The following LRATD1 variants were observed in gnomAD, a reference collection of about 807,000 sequenced individuals.
LRATD1 encodes LRAT domain containing 1.
Under a neutral mutation model 21.3 loss-of-function variants are expected in LRATD1, and 8 were observed. The ratio of observed to expected loss-of-function variants is 0.38; its 90% CI spans 0.22 to 0.68. The LOEUF (loss-of-function observed/expected upper bound fraction) is 0.68, where lower values mean the gene tolerates loss of function less well. LRATD1 is among the 30% of genes least tolerant of loss of function. LRATD1 has a pLI of 0.54. For synonymous variants in LRATD1, 210 were observed against 186.2 expected (o/e 1.13, Z -1.04); for missense variants, 380 against 404.0 (o/e 0.94, Z 0.51).
At chr2:14,643,568 C>T (rs1050776930), downstream of LRATD1, among the ~76,000 whole-genome samples, 1 of 152,198 alleles carries the variant, frequency 6.6e-6, no homozygotes, top group African/African-American at 2.4e-5. Context: ...TGCCTTTGCT[C>T]AAGCTGTTTC....
At position 14,634,637 on chromosome 2, in the gene LRATD1, C is replaced by G. The variant is rs1404150482; in HGVS notation, c.658C>G (p.Arg220Gly). 2 of 1,544,936 alleles carry G rather than the reference C, an allele frequency of 1.3e-6. No individual in the cohort carries two copies. The highest frequency in any genetic ancestry group is 8.7e-7 in the Non-Finnish European group (1 of 1,143,160). Residue 220 changes from arginine (R) to glycine (G), a missense_variant, in exon 2 of 2, where the codon CGC (arginine) becomes GGC (glycine). Coordinates refer to ENST00000295092, the MANE Select transcript of LRATD1 (RefSeq NM_145175.4). ...TNSESFAAWC[R>G]FGKREFKAGG... Reference sequence around the variant, plus strand: ...CTCGGAGAGCTTCGCCGCCTGGTGCCGCTTTGGCAAGCGGGAGTTCAAGGC... The same window carrying G: ...CTCGGAGAGCTTCGCCGCCTGGTGCGGCTTTGGCAAGCGGGAGTTCAAGGC...
At chr2:14,648,287 C>A (rs1671930636) in intron 4 of LRATD1, among the ~76,000 whole-genome samples, 1 of 151,986 alleles carries the variant, frequency 6.6e-6, no homozygotes, top group African/African-American at 2.4e-5. Context: ...GGTCTTAGGG[C>A]CTTTAAATTA....
rs1215504496 is a variant in LRATD1, at chr2:14,638,330, AT to A, written c.*3478del. ...TAATGTAAGCTGTTGTCATGACAGTATTTTTTAAAAATAATAACGTATATTA... is the reference window on the plus strand; with the variant it reads ...TAATGTAAGCTGTTGTCATGACAGTATTTTTAAAAATAATAACGTATATTA... On this transcript the variant is annotated 3_prime_UTR_variant, in exon 2 of 2. Coordinates refer to ENST00000295092, the MANE Select transcript of LRATD1 (RefSeq NM_145175.4). 6.0e-6 allele frequency: 1 copy of A among 166,630 alleles called. No individual in the cohort carries two copies. The highest frequency in any genetic ancestry group is 2.4e-5 in the African/African-American group (1 of 41,320). 10.3% of individuals were successfully genotyped at this position (166,630 alleles called of 1,614,324 possible). A position where few individuals can be genotyped will look rare whatever the true frequency, so the allele number is the denominator to read the frequency against.
chr2:14,634,781 G>A lies in LRATD1; in HGVS notation c.802G>A (p.Glu268Lys), dbSNP rs1414011364. The A allele has an allele frequency of 1.2e-6, 2 of 1,600,042 alleles. No individual in the cohort carries two copies. The highest frequency in any genetic ancestry group is 1.7e-5 in the Admixed American group (1 of 58,484). Residue 268 changes from glutamate (E) to lysine (K), a missense_variant, in exon 2 of 2, where the codon GAG becomes AAG. By Grantham distance (56) the Glu-to-Lys change is moderately conservative. Transcript: ENST00000295092. ...RFHSLEDLIR[E>K]KRRIDASGRL... Reference sequence around the variant, plus strand: ...TCACAGCCTGGAAGACCTCATCCGCGAGAAGCGCCGTATCGACGCCAGCGG... The same window carrying A: ...TCACAGCCTGGAAGACCTCATCCGCAAGAAGCGCCGTATCGACGCCAGCGG...
downstream of LRATD1, chr2:14,650,804 C>G (rs1671991923): frequency 6.6e-6 from 1 of 152,102 alleles, no homozygotes; most frequent in Admixed American, 6.5e-5. Flanking sequence ...CAATAAATAT[C>G]TTTGGATAGA....
At position 14,634,134 on chromosome 2, in the gene LRATD1, A is replaced by G; in HGVS notation, c.155A>G (p.Lys52Arg). Reference protein sequence around the residue: ...EDLDERGQPDKFGVKAPPGCT... With the variant: ...EDLDERGQPDRFGVKAPPGCT... Reference sequence around the variant, plus strand: ...CTGGACGAACGCGGGCAGCCCGACAAGTTTGGCGTGAAGGCCCCCCCGGGT... The same window carrying G: ...CTGGACGAACGCGGGCAGCCCGACAGGTTTGGCGTGAAGGCCCCCCCGGGT... Residue 52 changes from lysine to arginine, a missense_variant, in exon 2 of 2, where the codon AAG becomes AGG. Physicochemically the swap from Lys to Arg is conservative, Grantham distance 26. Coordinates refer to ENST00000295092, the MANE Select transcript of LRATD1 (RefSeq NM_145175.4). The G allele has an allele frequency of 6.2e-7, 1 of 1,614,058 alleles. No individual in the cohort carries two copies. Among genetic ancestry groups the G allele is most frequent in the Non-Finnish European group, 8.5e-7 (1 of 1,180,008 alleles).
At chr2:14,641,689 A>G (rs1199766724), downstream of LRATD1, among the ~76,000 whole-genome samples, 1 of 152,090 alleles carries the variant, frequency 6.6e-6, no homozygotes, top group Non-Finnish European at 1.5e-5. Flanking sequence ...ACCGACTTGC[A>G]TTTCCTTCAA....
intron 4 of LRATD1, among the ~76,000 whole-genome samples, chr2:14,648,654 T>G (rs1438268537): frequency 6.6e-6 from 1 of 152,130 alleles, no homozygotes; most frequent in East Asian, 1.9e-4. Context: ...GCCAAAATGG[T>G]AGAATTGTGA....
rs1331848802 is a variant in LRATD1 at position 14,639,774 on chromosome 2, C to G, written c.*4916C>G. 6.0e-6 allele frequency: 1 copy of G among 167,088 alleles called. No homozygotes were observed. The highest frequency in any genetic ancestry group is 6.5e-5 in the Admixed American group (1 of 15,282). 10.4% of individuals were successfully genotyped at this position (167,088 alleles called of 1,614,324 possible). A position where few individuals can be genotyped will look rare whatever the true frequency, so the allele number is the denominator to read the frequency against. On this transcript the variant is annotated 3_prime_UTR_variant, in exon 2 of 2. Coordinates refer to ENST00000295092, the MANE Select transcript of LRATD1 (RefSeq NM_145175.4). ...TAGTAGAAAGCACACAGTAGGTACT[C>G]CATAAATGTAAGACTATGGCAGCTG...
At chr2:14,650,607 T>C (rs1671989407), downstream of LRATD1, 1 of 152,186 alleles carries the variant, frequency 6.6e-6, no homozygotes. Context: ...AAATACAATT[T>C]TATGCCATAC....
At chr2:14,650,975 C>CAT (rs1671994662), downstream of LRATD1, among the ~76,000 whole-genome samples, 1 of 152,140 alleles carries the variant, frequency 6.6e-6, no homozygotes, top group Admixed American at 6.5e-5. Flanking sequence ...TGTTCATGGC[C>CAT]TGTCACAATC....
Position 14,632,775 on chromosome 2 carries a change from T to A in LRATD1, c.-199T>A, listed in dbSNP as rs1671581518. 6.6e-6 allele frequency: 1 copy of A among 152,186 alleles called. No individual in the cohort carries two copies. The highest frequency in any genetic ancestry group is 2.1e-4 in the South Asian group (1 of 4,806). 9.4% of individuals were successfully genotyped at this position (152,186 alleles called of 1,614,324 possible). A position where few individuals can be genotyped will look rare whatever the true frequency, so the allele number is the denominator to read the frequency against. On this transcript the variant is annotated 5_prime_UTR_variant, in exon 1 of 2. Coordinates refer to ENST00000295092, the MANE Select transcript of LRATD1 (RefSeq NM_145175.4). ...GCAGGCGCCCCGGCCAGCGCAGACC[T>A]GGAGGCGCACGGGCGCCGCACCGCA...
rs1671670083 is a variant in LRATD1 at position 14,635,554 on chromosome 2, G to A, written c.*696G>A. The A allele has an allele frequency of 2.1e-6, 1 of 471,068 alleles. No individual in the cohort carries two copies. 29.2% of individuals were successfully genotyped at this position (471,068 alleles called of 1,614,324 possible). A position where few individuals can be genotyped will look rare whatever the true frequency, so the allele number is the denominator to read the frequency against. On this transcript the variant is annotated 3_prime_UTR_variant, in exon 2 of 2. Transcript: ENST00000295092. ...GTTCTTTCCACCGTGGGAAGCGAAC[G>A]CCACCCCCACCCGCCTTTGCCTGCG...
At chr2:14,643,280 A>T (rs1244429035), downstream of LRATD1, among the ~76,000 whole-genome samples, 1 of 152,128 alleles carries the variant, frequency 6.6e-6, no homozygotes, top group Non-Finnish European at 1.5e-5. Context: ...AGAGGTAGTT[A>T]CTCCATCCTT....
rs1179531099 is a variant in LRATD1 at position 14,635,228 on chromosome 2, G to C, written c.*370G>C. The C allele has an allele frequency of 1.8e-6, 1 of 559,528 alleles. No homozygotes were observed. Among genetic ancestry groups the C allele is most frequent in the Non-Finnish European group, 3.5e-6 (1 of 284,542 alleles). 34.7% of individuals were successfully genotyped at this position (559,528 alleles called of 1,614,324 possible). ...ATGGCCAGTGACTGTGGCCCGACTC[G>C]AAAACAACCCTCTTCTCAAAAGGGA... is the stretch of plus-strand genomic sequence containing the variant. On this transcript the variant is annotated 3_prime_UTR_variant, in exon 2 of 2. Transcript: ENST00000295092.
chr2:14,641,305 C>A (rs1173628992), downstream of LRATD1, among the ~76,000 whole-genome samples: 1 of 152,076 alleles, frequency 6.6e-6, no homozygotes, highest in African/African-American at 2.4e-5. Flanking sequence ...GAGTTCACAG[C>A]CCCCATGGTC....
downstream of LRATD1, among the ~76,000 whole-genome samples, chr2:14,642,716 CCTCCTT>C (rs1671827723): frequency 6.6e-6 from 1 of 152,088 alleles, no homozygotes; most frequent in Non-Finnish European, 1.5e-5. Context: ...AGAAAAACAG[CCTCCTT>C]TGATTGACGG....
downstream of LRATD1, among the ~76,000 whole-genome samples, chr2:14,651,214 C>T (rs1161554310): frequency 2.0e-5 from 3 of 151,672 alleles, no homozygotes; most frequent in African/African-American, 4.8e-5. Context: ...TTTTTTTTCA[C>T]CTAGCACTAG....
rs1430410625 is a variant in LRATD1 at position 14,638,963 on chromosome 2, T to C, written c.*4105T>C. The C allele has an allele frequency of 1.2e-5, 2 of 166,890 alleles. No individual in the cohort carries two copies. The highest frequency in any genetic ancestry group is 4.8e-5 in the African/African-American group (2 of 41,426). The allele number at this position is 166,890 out of a possible 1,614,324, so 10.3% of individuals were successfully genotyped here. A position where few individuals can be genotyped will look rare whatever the true frequency, so the allele number is the denominator to read the frequency against. On this transcript the variant is annotated 3_prime_UTR_variant, in exon 2 of 2. Coordinates refer to ENST00000295092, the MANE Select transcript of LRATD1 (RefSeq NM_145175.4). ...ACTAGCTATTGGTATAATATACATA[T>C]ATGTACATGTATACATATACATACA...
Sources: allele counts gnomAD v4.1 joint callset (sites outside exome capture counted in the v4.1 genomes callset), GRCh38; gene constraint gnomAD v4.1.1; transcripts MANE v1.5; gene names NCBI Gene and HGNC (gene_info 2026-07-23, HGNC 2026-07-21).